AGBL4: variants seen among roughly 807,000 people sequenced by gnomAD.
AGBL4 encodes the protein cytosolic carboxypeptidase 6.
AGBL4 carries 58 observed loss-of-function variants against 66.4 expected under a neutral mutation model. The ratio of observed to expected loss-of-function variants is 0.87; its 90% CI spans 0.71 to 1.09. AGBL4 has a LOEUF of 1.09. Ranked by LOEUF, AGBL4 falls within the 50% of genes least tolerant of loss-of-function variation. The pLI, the probability that AGBL4 is intolerant of heterozygous loss-of-function variation, is 0.00. For missense variants in AGBL4, 579 were observed against 631.0 expected (o/e 0.92, Z 0.88); for synonymous variants, 234 against 222.9 (o/e 1.05, Z -0.44).
At chr1:48,652,576 G>C (rs1290146036) in intron 8 of AGBL4, among the ~76,000 whole-genome samples, 1 of 152,116 alleles carries the variant, frequency 6.6e-6, no homozygotes, top group East Asian at 1.9e-4. Flanking sequence ...TGAAAGTCGT[G>C]GGCCGAACGA....
At chr1:48,619,603 T>C (rs1645375810) in intron 9 of AGBL4, among the ~76,000 whole-genome samples, 1 of 152,144 alleles carries the variant, frequency 6.6e-6, no homozygotes, top group Admixed American at 6.5e-5. Flanking sequence ...AGATGACTAA[T>C]AAAGATTCGC....
chr1:49,339,312 A>C (rs1645493494), intron 3 of AGBL4, among the ~76,000 whole-genome samples: 1 of 152,194 alleles, frequency 6.6e-6, no homozygotes, highest in African/African-American at 2.4e-5. Context: ...TACAAAATTA[A>C]AAAGTTCTCA....
At chr1:50,010,102 T>C (rs1470205281) in intron 1 of AGBL4, among the ~76,000 whole-genome samples, 1 of 151,966 alleles carries the variant, frequency 6.6e-6, no homozygotes, top group East Asian at 1.9e-4. Flanking sequence ...GGTCAGGAGA[T>C]TGAGACCACC....
chr1:49,968,994 C>A (rs2148358147), intron 1 of AGBL4, among the ~76,000 whole-genome samples: 1 of 152,300 alleles, frequency 6.6e-6, no homozygotes, highest in South Asian at 2.1e-4. Flanking sequence ...CCCAAGCTGA[C>A]ACACATGACC....
At chr1:49,513,524 T>G (rs1434057967) in intron 3 of AGBL4, among the ~76,000 whole-genome samples, 2 of 152,054 alleles carry the variant, frequency 1.3e-5, no homozygotes, top group Non-Finnish European at 2.9e-5. Flanking sequence ...TGGTTTTCTG[T>G]TCCTGCATTA....
At chr1:49,766,757 A>G (rs1296438015) in intron 2 of AGBL4, among the ~76,000 whole-genome samples, 1 of 152,168 alleles carries the variant, frequency 6.6e-6, no homozygotes, top group Non-Finnish European at 1.5e-5. Flanking sequence ...TGCAAATAGA[A>G]AACATAAAAG....
intron 4 of AGBL4, among the ~76,000 whole-genome samples, chr1:49,138,879 A>G (rs1036259895): frequency 6.6e-6 from 1 of 152,178 alleles, no homozygotes; most frequent in African/African-American, 2.4e-5. Context: ...ACTACCTGAG[A>G]CTAGGTAATT....
intron 5 of AGBL4, among the ~76,000 whole-genome samples, chr1:48,902,401 A>C (rs888035582): frequency 5.3e-5 from 8 of 152,204 alleles, no homozygotes; most frequent in Admixed American, 5.2e-4. Context: ...ACTATAATAA[A>C]AGTCCAGGAG....
chr1:49,897,594 T>C (rs1211695655), intron 1 of AGBL4, among the ~76,000 whole-genome samples: 1 of 151,474 alleles, frequency 6.6e-6, no homozygotes, highest in Non-Finnish European at 1.5e-5. Flanking sequence ...CACAAACATA[T>C]AAAAAAAATC....
At chr1:48,876,813 T>A (rs2148836520) in intron 5 of AGBL4, among the ~76,000 whole-genome samples, 1 of 152,330 alleles carries the variant, frequency 6.6e-6, no homozygotes, top group East Asian at 1.9e-4. Context: ...CAGAGCAAGT[T>A]TCATGATTAT....
intron 4 of AGBL4, among the ~76,000 whole-genome samples, chr1:49,085,262 TTCATCATCATCATCATCATCA>T (rs55673573): frequency 6.9e-6 from 1 of 145,314 alleles, no homozygotes; most frequent in Non-Finnish European, 1.5e-5. Context: ...GACTGGGACT[TTCATCATCATCATCATCATCA>T]TCATCATCAT....
intron 11 of AGBL4, among the ~76,000 whole-genome samples, chr1:48,553,642 A>G (rs903629303): frequency 2.0e-5 from 3 of 152,154 alleles, no homozygotes; most frequent in Non-Finnish European, 4.4e-5. Context: ...CTCTGATACT[A>G]CTGACAAACT....
At chr1:48,710,247 G>C (rs969908626) in intron 6 of AGBL4, among the ~76,000 whole-genome samples, 4 of 152,198 alleles carry the variant, frequency 2.6e-5, no homozygotes, top group Non-Finnish European at 5.9e-5. Flanking sequence ...AGGTTTACCT[G>C]AGGCACAGTG....
chr1:49,102,412 ATTG>A (rs1242049530), intron 4 of AGBL4, among the ~76,000 whole-genome samples: 1 of 152,122 alleles, frequency 6.6e-6, no homozygotes. Context: ...AAGTTTTGTT[ATTG>A]TTATTTATTT....
chr1:49,674,300 G>A (rs1003901577), intron 3 of AGBL4, among the ~76,000 whole-genome samples: 9 of 151,710 alleles, frequency 5.9e-5, no homozygotes, highest in African/African-American at 2.2e-4. Context: ...CAATTACCTT[G>A]CATTTATTGG....
intron 1 of AGBL4, among the ~76,000 whole-genome samples, chr1:49,962,093 G>T (rs527375082): frequency 1.6e-4 from 24 of 152,202 alleles, no homozygotes; most frequent in Middle Eastern, 3.4e-3. Flanking sequence ...GGGAAAAGAA[G>T]ACTACTAATT....
At chr1:48,704,585 T>C (rs2148510250) in intron 6 of AGBL4, among the ~76,000 whole-genome samples, 1 of 152,302 alleles carries the variant, frequency 6.6e-6, no homozygotes, top group East Asian at 1.9e-4. Flanking sequence ...CTTTAAACAT[T>C]TTTGTTAAAA....
rs192368000 is a variant in AGBL4, at chr1:49,330,349, A to C, written c.283-84485T>G. 1.7e-3 allele frequency among the ~76,000 whole-genome samples: 254 copies of C among 152,336 alleles called. 1 individual carries two copies. The highest frequency in any genetic ancestry group is 6.0e-3 in the African/African-American group (248 of 41,586). ...GGAGAACTGCTTGAACCTGGGAGGC[A>C]GAGATGGCAGTGGGCCAAGATGGCG... On this transcript the variant is annotated intron_variant, in intron 3 of 13. Coordinates refer to ENST00000371839, the MANE Select transcript of AGBL4 (RefSeq NM_032785.4).
intron 1 of AGBL4, among the ~76,000 whole-genome samples, chr1:49,854,081 T>C (rs564995035): frequency 1.2e-4 from 18 of 152,084 alleles, no homozygotes; most frequent in Admixed American, 2.0e-4. Flanking sequence ...ATAGAAAAAA[T>C]AGCAATGTAT....
Sources: allele counts gnomAD v4.1 joint callset (sites outside exome capture counted in the v4.1 genomes callset), GRCh38; gene constraint gnomAD v4.1.1; transcripts MANE v1.5; gene names NCBI Gene and HGNC (gene_info 2026-07-23, HGNC 2026-07-21).